The following TAB2 variants were observed in gnomAD, a reference collection of about 807,000 sequenced individuals.
TAB2 encodes TGF-beta activated kinase 1 (MAP3K7) binding protein 2, also known as TGF-beta-activated kinase 1 and MAP3K7-binding protein 2.
Under a neutral mutation model 65.0 loss-of-function variants are expected in TAB2, and 3 were observed. The observed-to-expected ratio is 0.05, with a 90% CI of 0.02 to 0.12. The LOEUF is 0.12. Ranked by LOEUF, TAB2 falls within the 10% of genes least tolerant of loss-of-function variation. The probability of loss-of-function intolerance (pLI) is 1.00; values close to 1 mark genes in which losing one functional copy is unlikely to be tolerated. For synonymous variants in TAB2, 298 were observed against 285.1 expected (o/e 1.05, Z -0.46); for missense variants, 623 against 840.3 (o/e 0.74, Z 3.20).
intron 1 of TAB2, among the ~76,000 whole-genome samples, chr6:149,233,580 A>G (rs1777444428): frequency 6.6e-6 from 1 of 152,206 alleles, no homozygotes; most frequent in South Asian, 2.1e-4. Flanking sequence ...CTAACAAAGC[A>G]CTAAGTAATT....
intron 1 of TAB2, among the ~76,000 whole-genome samples, chr6:149,286,402 TG>T (rs1778676991): frequency 6.6e-6 from 1 of 152,250 alleles, no homozygotes; most frequent in Non-Finnish European, 1.5e-5. Context: ...TATTCTACTT[TG>T]CTTCTTCAAA....
intron 2 of TAB2, 44 bp downstream of exon 2, chr6:149,370,143 A>G (rs374221858): frequency 4.9e-5 from 75 of 1,515,460 alleles, no homozygotes; most frequent in Non-Finnish European, 6.8e-5. Flanking sequence ...CAAACCTGGT[A>G]TTTTTTTAAA....
At chr6:149,285,936 C>T (rs949973621) in intron 1 of TAB2, among the ~76,000 whole-genome samples, 2 of 152,078 alleles carry the variant, frequency 1.3e-5, no homozygotes, top group African/African-American at 4.8e-5. Context: ...TCTGAGAACG[C>T]ACGTTGAGAA....
chr6:149,268,689 A>G (rs1342187004), intron 1 of TAB2, among the ~76,000 whole-genome samples: 3 of 152,184 alleles, frequency 2.0e-5, no homozygotes, highest in East Asian at 1.9e-4. Flanking sequence ...TTCCTTTCGT[A>G]TATGTAACAA....
At chr6:149,220,569 T>C (rs1777121304) in intron 1 of TAB2, among the ~76,000 whole-genome samples, 1 of 152,144 alleles carries the variant, frequency 6.6e-6, no homozygotes, top group Admixed American at 6.5e-5. Context: ...AGTTCTGAAG[T>C]TTTGGGAAGC....
At chr6:149,402,209 AAAG>A (rs1163460347) in intron 6 of TAB2, among the ~76,000 whole-genome samples, 2 of 152,050 alleles carry the variant, frequency 1.3e-5, no homozygotes, top group African/African-American at 2.4e-5. Context: ...ATTGAGAAAA[AAAG>A]GAGACAAAAT....
chr6:149,392,139 A>C (rs913226420), intron 3 of TAB2, among the ~76,000 whole-genome samples: 5 of 7,210 alleles, frequency 6.9e-4, no homozygotes, highest in South Asian at 4.0e-3. Flanking sequence ...TTTTTTTGGC[A>C]GGGGGCGGGG....
chr6:149,411,077 A>G lies in TAB2; in HGVS notation c.*1358A>G, dbSNP rs1426808504. 6.5e-6 allele frequency: 1 copy of G among 152,678 alleles called. No individual in the cohort carries two copies. Among genetic ancestry groups the G allele is most frequent in the African/African-American group, 2.4e-5 (1 of 41,464 alleles). The allele number at this position is 152,678 out of a possible 1,614,324, so 9.5% of individuals were successfully genotyped here. ...TCAAGCATCTCTTTATTTTGATGAT[A>G]TATTTTTGTAAGGAAAATATTCAGA... On this transcript the variant is annotated 3_prime_UTR_variant, in exon 7 of 7. Coordinates refer to ENST00000637181, the MANE Select transcript of TAB2 (RefSeq NM_001292034.3).
intron 6 of TAB2, among the ~76,000 whole-genome samples, chr6:149,399,530 TC>T (rs71681301): frequency 0.24 from 35,816 of 149,338 alleles, 4,435 homozygotes; most frequent in Non-Finnish European, 0.26. Context: ...TTAGGGAAGT[TC>T]CCCCCCCCCA....
intron 1 of TAB2, among the ~76,000 whole-genome samples, chr6:149,289,111 A>C (rs9498291): frequency 0.22 from 34,166 of 151,938 alleles, 4,091 homozygotes; most frequent in East Asian, 0.43. Flanking sequence ...CACCCGCCTC[A>C]GCCTCCCAAA....
intron 1 of TAB2, among the ~76,000 whole-genome samples, chr6:149,283,365 C>A (rs1044534012): frequency 6.6e-6 from 1 of 152,136 alleles, no homozygotes; most frequent in Admixed American, 6.5e-5. Context: ...ATACCTATAA[C>A]TAATAAATCA....
chr6:149,218,651 A>T (rs1004943475), exon 1 of TAB2: 1 of 415,286 alleles, frequency 2.4e-6, no homozygotes, highest in Non-Finnish European at 4.9e-6. Context: ...AGTGAGGTGA[A>T]CTCCTTCAGG....
At chr6:149,268,082 G>A (rs552957132) in intron 1 of TAB2, among the ~76,000 whole-genome samples, 1 of 152,298 alleles carries the variant, frequency 6.6e-6, no homozygotes, top group East Asian at 1.9e-4. Flanking sequence ...AGTTAGGTTT[G>A]GCTTTCAGTA....
chr6:149,319,302 C>T (rs2114723391), intron 1 of TAB2, among the ~76,000 whole-genome samples: 1 of 152,316 alleles, frequency 6.6e-6, no homozygotes, highest in Admixed American at 6.5e-5. Context: ...AGAGTATTGA[C>T]ACCTTTTAAA....
At chr6:149,236,548 G>T (rs1777498812) in intron 1 of TAB2, among the ~76,000 whole-genome samples, 1 of 152,194 alleles carries the variant, frequency 6.6e-6, no homozygotes, top group Non-Finnish European at 1.5e-5. Flanking sequence ...CTTTCTGTTG[G>T]TGAAATGGCC....
chr6:149,382,024 A>G (rs2114897948), intron 3 of TAB2, among the ~76,000 whole-genome samples: 1 of 152,312 alleles, frequency 6.6e-6, no homozygotes, highest in South Asian at 2.1e-4. Flanking sequence ...AAAAATATGC[A>G]TCAGATCATA....
At chr6:149,331,411 T>C (rs935338619) in intron 1 of TAB2, among the ~76,000 whole-genome samples, 2 of 152,212 alleles carry the variant, frequency 1.3e-5, no homozygotes, top group Non-Finnish European at 2.9e-5. Context: ...GTGGATCTTA[T>C]ATTTTGAGAC....
chr6:149,222,955 G>T (rs1046227756), intron 1 of TAB2, among the ~76,000 whole-genome samples: 7 of 152,170 alleles, frequency 4.6e-5, no homozygotes, highest in African/African-American at 1.7e-4. Context: ...AAAAAAGAGA[G>T]TATTATAAAT....
chr6:149,283,524 AC>A (rs1255034392), intron 1 of TAB2, among the ~76,000 whole-genome samples: 1 of 152,080 alleles, frequency 6.6e-6, no homozygotes, highest in Non-Finnish European at 1.5e-5. Flanking sequence ...AGCCTGGCCA[AC>A]ATGGTGAAAC....
Sources: allele counts gnomAD v4.1 joint callset (sites outside exome capture counted in the v4.1 genomes callset), GRCh38; gene constraint gnomAD v4.1.1; transcripts MANE v1.5; gene names NCBI Gene and HGNC (gene_info 2026-07-23, HGNC 2026-07-21).